Variants in CERS6 observed in about 807,000 individuals in gnomAD.
CERS6 encodes the protein LAG1 homolog, ceramide synthase 6.
In CERS6, 26 loss-of-function variants were observed where a neutral mutation model predicts 56.8. The observed-to-expected ratio is 0.46, with a 90% CI of 0.34 to 0.63. The LOEUF is 0.63. Ranked by LOEUF, CERS6 falls within the 30% of genes least tolerant of loss-of-function variation. CERS6 has a pLI of 0.01. For synonymous variants in CERS6, 164 were observed against 173.3 expected, an observed-to-expected ratio of 0.95 and a Z score of 0.42; for missense variants, 415 against 467.5, an observed-to-expected ratio of 0.89 and a Z score of 1.04.
chr2:168,572,529 C>A (rs931521901), intron 3 of CERS6, among the ~76,000 whole-genome samples: 2 of 150,604 alleles, frequency 1.3e-5, no homozygotes, highest in African/African-American at 4.9e-5. Context: ...TAATATTTTA[C>A]GTATATATAT....
chr2:168,662,142 T>TTTTC (rs34037568), intron 4 of CERS6, among the ~76,000 whole-genome samples: 1 of 151,678 alleles, frequency 6.6e-6, no homozygotes, highest in Non-Finnish European at 1.5e-5. Flanking sequence ...TTTTTTTTTT[T>TTTTC]CAAATTCTGT....
chr2:168,462,066 A>G (rs1049149539), intron 1 of CERS6, among the ~76,000 whole-genome samples: 12 of 152,258 alleles, frequency 7.9e-5, no homozygotes, highest in African/African-American at 2.9e-4. Flanking sequence ...ACTAGAACCT[A>G]GGCCCATGTT....
intron 6 of CERS6, among the ~76,000 whole-genome samples, chr2:168,709,674 G>A (rs1424937): frequency 0.36 from 54,210 of 152,030 alleles, 10,843 homozygotes; most frequent in Non-Finnish European, 0.45. Context: ...TTTAATTGCA[G>A]TTATAGAAAA....
chr2:168,617,828 A>G (rs1391547366), intron 3 of CERS6, among the ~76,000 whole-genome samples: 2 of 152,200 alleles, frequency 1.3e-5, no homozygotes, highest in Admixed American at 6.5e-5. Context: ...TACCAATCCT[A>G]TTGACTCTAT....
rs1193720639 is a variant in CERS6 at position 168,774,122 on chromosome 2, A to G, written c.*4460A>G. The G allele has an allele frequency of 6.6e-6, 1 of 152,214 alleles. No individual in the cohort carries two copies. The highest frequency in any genetic ancestry group is 1.5e-5 in the Non-Finnish European group (1 of 68,042). The allele number at this position is 152,214 out of a possible 1,614,324, so 9.4% of individuals were successfully genotyped here. ...GAAAGGAATGCATTACCACATGACC[A>G]CATGCTGAGACCCCATGGGGTCTAA... On this transcript the variant is annotated 3_prime_UTR_variant, in exon 10 of 10. Transcript: ENST00000305747.
intron 1 of CERS6, among the ~76,000 whole-genome samples, chr2:168,513,816 G>A (rs1277971012): frequency 6.6e-6 from 1 of 151,908 alleles, no homozygotes; most frequent in Non-Finnish European, 1.5e-5. Flanking sequence ...CCCTTTTATT[G>A]TTGCTCCTGA....
intron 3 of CERS6, among the ~76,000 whole-genome samples, chr2:168,595,803 A>G (rs1399156479): frequency 6.6e-6 from 1 of 152,252 alleles, no homozygotes; most frequent in Admixed American, 6.5e-5. Context: ...TGCTGTTTAC[A>G]TAGTTATTTA....
At position 168,633,871 on chromosome 2, in the gene CERS6, T is replaced by G. The variant is rs182463322; in HGVS notation, c.465+2829T>G. Among the ~76,000 whole-genome samples the G allele has an allele frequency of 6.2e-4, 94 of 152,292 alleles. 1 individual carries two copies. Among genetic ancestry groups the G allele is most frequent in the Non-Finnish European group, 9.7e-4 (66 of 68,022 alleles). The stretch of plus-strand genomic sequence containing the variant: ...GTTCAGATTCTTCCAAAAAGTACAG[T>G]AGGAAAATTCTCATAATACCAGTGT... On this transcript the variant is annotated intron_variant, in intron 4 of 9. Transcript: ENST00000305747.
chr2:168,754,835 G>T (rs1684371948), intron 8 of CERS6, among the ~76,000 whole-genome samples: 1 of 152,112 alleles, frequency 6.6e-6, no homozygotes, highest in Admixed American at 6.5e-5. Flanking sequence ...ATAGCTCACT[G>T]CAGCCTTGAA....
Position 168,645,160 on chromosome 2 carries a change from G to T in CERS6, c.465+14118G>T, listed in dbSNP as rs867833356. Among the ~76,000 whole-genome samples the T allele has an allele frequency of 4.8e-4, 54 of 112,598 alleles. 1 individual carries two copies. Among genetic ancestry groups the T allele is most frequent in the African/African-American group, 8.4e-4 (24 of 28,480 alleles). The allele number at this position is 112,598 out of a possible 152,430, so 73.9% of individuals were successfully genotyped here. The stretch of plus-strand genomic sequence containing the variant: ...ATATATATAGAGAGAGAGAGAGAGA[G>T]AGAGAGAGAGAGAGAGAGAGAGAGA... On this transcript the variant is annotated intron_variant, in intron 4 of 9. Transcript: ENST00000305747.
intron 1 of CERS6, among the ~76,000 whole-genome samples, chr2:168,526,100 G>C (rs1035919064): frequency 2.0e-5 from 3 of 152,060 alleles, no homozygotes; most frequent in African/African-American, 7.2e-5. Flanking sequence ...AAATAATGTG[G>C]ATCTGTATCC....
intron 8 of CERS6, among the ~76,000 whole-genome samples, chr2:168,722,372 G>T (rs1452558863): frequency 6.6e-6 from 1 of 152,096 alleles, no homozygotes; most frequent in Non-Finnish European, 1.5e-5. Context: ...AGGTCATGAA[G>T]ATTTACTCCT....
chr2:168,533,035 A>G (rs1695195601), intron 1 of CERS6, among the ~76,000 whole-genome samples: 1 of 152,246 alleles, frequency 6.6e-6, no homozygotes, highest in South Asian at 2.1e-4. Flanking sequence ...TGAAATACAC[A>G]TTGTCTTAAC....
intron 4 of CERS6, among the ~76,000 whole-genome samples, chr2:168,674,043 G>A (rs1262280053): frequency 1.3e-5 from 2 of 152,108 alleles, no homozygotes; most frequent in Non-Finnish European, 2.9e-5. Flanking sequence ...TTCGTACACC[G>A]TGACCTGTTA....
intron 1 of CERS6, among the ~76,000 whole-genome samples, chr2:168,541,022 TG>T (rs1224299541): frequency 1.3e-5 from 2 of 152,192 alleles, no homozygotes; most frequent in African/African-American, 4.8e-5. Flanking sequence ...CTGTATCTGG[TG>T]AGGGCCTCAG....
intron 5 of CERS6, among the ~76,000 whole-genome samples, chr2:168,691,950 G>T (rs1327132535): frequency 6.6e-6 from 1 of 152,130 alleles, no homozygotes; most frequent in Non-Finnish European, 1.5e-5. Flanking sequence ...TCTTTGGGGC[G>T]TGCACAGTCC....
intron 8 of CERS6, among the ~76,000 whole-genome samples, chr2:168,743,011 A>G (rs570145557): frequency 2.4e-4 from 37 of 152,024 alleles, no homozygotes; most frequent in Non-Finnish European, 5.0e-4. Flanking sequence ...GCCTTTCCAC[A>G]TGGACTGATT....
intron 4 of CERS6, among the ~76,000 whole-genome samples, chr2:168,689,688 A>G (rs780521257): frequency 2.6e-5 from 4 of 152,218 alleles, no homozygotes; most frequent in Non-Finnish European, 5.9e-5. Context: ...CAGTGAAATT[A>G]CATGATACAG....
At chr2:168,690,995 T>C (rs753572402) in intron 4 of CERS6, 39 bp from the exon 5 acceptor site, 31 of 1,581,164 alleles carry the variant, frequency 2.0e-5, no homozygotes, top group Non-Finnish European at 2.5e-5. Flanking sequence ...CTTATCCATG[T>C]TCTAAAATAT....
Sources: allele counts gnomAD v4.1 joint callset (sites outside exome capture counted in the v4.1 genomes callset), GRCh38; gene constraint gnomAD v4.1.1; transcripts MANE v1.5; gene names NCBI Gene and HGNC (gene_info 2026-07-23, HGNC 2026-07-21).